TMOD2: variants seen among roughly 807,000 people sequenced by gnomAD.
TMOD2 encodes the protein tropomodulin-2.
TMOD2 carries 22 observed loss-of-function variants against 39.9 expected under a neutral mutation model. That is an observed-to-expected ratio of 0.55 (90% CI 0.39 to 0.79). The LOEUF (loss-of-function observed/expected upper bound fraction) is 0.79, where lower values mean the gene tolerates loss of function less well. Among genes scored for constraint, TMOD2 ranks in the 30% least tolerant of loss-of-function variants. The pLI is 0.00. For missense variants in TMOD2, 386 were observed against 413.3 expected, an observed-to-expected ratio of 0.93 and a Z score of 0.57; for synonymous variants, 123 against 146.1, an observed-to-expected ratio of 0.84 and a Z score of 1.14.
At chr15:51,790,306 G>A (rs2056001752) in intron 7 of TMOD2, among the ~76,000 whole-genome samples, 1 of 152,148 alleles carries the variant, frequency 6.6e-6, no homozygotes, top group African/African-American at 2.4e-5. Context: ...ACTAAACCAG[G>A]AAGAAGTTGA....
Position 51,810,656 on chromosome 15 carries a change from CA to C in TMOD2, c.*2203del, listed in dbSNP as rs1289653448. ...CTTATCATGTTGCCGAAGGGAAGAA[CA>C]TTTCTCTTAGATGTCTTTTCTCCTC... On this transcript the variant is annotated 3_prime_UTR_variant, in exon 10 of 10. Coordinates refer to ENST00000249700, the MANE Select transcript of TMOD2 (RefSeq NM_014548.4). 1 of 151,766 alleles carries C rather than the reference CA, an allele frequency of 6.6e-6. No homozygotes were observed. The highest frequency in any genetic ancestry group is 1.5e-5 in the Non-Finnish European group (1 of 67,962). 9.4% of individuals were successfully genotyped at this position (151,766 alleles called of 1,614,324 possible).
chr15:51,768,931 T>C (rs2055835497), intron 3 of TMOD2, among the ~76,000 whole-genome samples: 1 of 152,228 alleles, frequency 6.6e-6, no homozygotes, highest in Admixed American at 6.5e-5. Flanking sequence ...TAGACATATG[T>C]CATTCTACAT....
At chr15:51,772,040 C>A (rs1037435440) in intron 3 of TMOD2, among the ~76,000 whole-genome samples, 6 of 152,156 alleles carry the variant, frequency 3.9e-5, no homozygotes, top group Admixed American at 3.9e-4. Flanking sequence ...GCTTATCCAG[C>A]CATTTAACAA....
rs151084305 is a variant in TMOD2, at chr15:51,788,467, G to A, written c.732+5639G>A. The stretch of plus-strand genomic sequence containing the variant: ...ATACTCTTCAGGATATTATCCAAGA[G>A]AACTTCTGTAACCTAGCAAGGCAGG... On this transcript the variant is annotated intron_variant, in intron 7 of 9. Coordinates refer to ENST00000249700, the MANE Select transcript of TMOD2 (RefSeq NM_014548.4). Among the ~76,000 whole-genome samples, 367 of 152,308 alleles carry A rather than the reference G, an allele frequency of 2.4e-3. 1 individual carries two copies. Among genetic ancestry groups the A allele is most frequent in the Non-Finnish European group, 4.1e-3 (282 of 68,030 alleles).
intron 8 of TMOD2, among the ~76,000 whole-genome samples, chr15:51,801,235 T>TCACACACACACACACACA (rs745892590): frequency 4.6e-5 from 5 of 108,924 alleles, no homozygotes; most frequent in African/African-American, 1.6e-4. Context: ...TCTCTCTCTC[T>TCACACACACACACACACA]CTCACACACA....
intron 7 of TMOD2, 102 bp from the exon 8 acceptor site, chr15:51,798,095 G>C: frequency 9.9e-7 from 1 of 1,007,736 alleles, no homozygotes; most frequent in Non-Finnish European, 1.4e-6. Flanking sequence ...TTCTTTAAGT[G>C]CTAGAAAACA....
chr15:51,754,360 T>A (rs1027346984), intron 1 of TMOD2, among the ~76,000 whole-genome samples: 9 of 152,346 alleles, frequency 5.9e-5, no homozygotes, highest in African/African-American at 1.7e-4. Flanking sequence ...GGGTTTCCTC[T>A]CATTCCCTTG....
chr15:51,758,867 G>T (rs1343947066), intron 1 of TMOD2, among the ~76,000 whole-genome samples: 1 of 152,104 alleles, frequency 6.6e-6, no homozygotes, highest in African/African-American at 2.4e-5. Context: ...ACAACATAAG[G>T]CATGATCCAG....
chr15:51,805,245 C>G (rs1006152082), intron 8 of TMOD2, among the ~76,000 whole-genome samples: 1 of 152,110 alleles, frequency 6.6e-6, no homozygotes, highest in African/African-American at 2.4e-5. Context: ...CAGGCAGGAG[C>G]CACGGTGCCC....
intron 1 of TMOD2, among the ~76,000 whole-genome samples, chr15:51,759,329 G>C (rs749222373): frequency 6.6e-6 from 1 of 152,170 alleles, no homozygotes; most frequent in Non-Finnish European, 1.5e-5. Context: ...GAATTAGGCA[G>C]ATGGAAATAT....
intron 7 of TMOD2, 51 bp downstream of exon 7, chr15:51,782,879 ACT>A: frequency 2.0e-6 from 3 of 1,528,612 alleles, no homozygotes; most frequent in Non-Finnish European, 1.8e-6. Flanking sequence ...TTCACTGGAA[ACT>A]CTATTTACTT....
In TMOD2 at chr15:51,811,442, A is replaced by G. The variant is rs2056155838; in HGVS notation, c.*2988A>G. 6.6e-6 allele frequency: 1 copy of G among 151,544 alleles called. No individual in the cohort carries two copies. The highest frequency in any genetic ancestry group is 1.5e-5 in the Non-Finnish European group (1 of 67,982). 9.4% of individuals were successfully genotyped at this position (151,544 alleles called of 1,614,324 possible). A position where few individuals can be genotyped will look rare whatever the true frequency, so the allele number is the denominator to read the frequency against. On this transcript the variant is annotated 3_prime_UTR_variant, in exon 10 of 10. Coordinates refer to ENST00000249700, the MANE Select transcript of TMOD2 (RefSeq NM_014548.4). ...GCAGGTCCACTTTAAGTGTAAAATC[A>G]CTCACCTGGACTTGTGGGCTTGTAT... is the stretch of plus-strand genomic sequence containing the variant.
chr15:51,791,574 C>G (rs915775714), intron 7 of TMOD2, among the ~76,000 whole-genome samples: 2 of 152,176 alleles, frequency 1.3e-5, no homozygotes, highest in African/African-American at 4.8e-5. Flanking sequence ...AAGAACAAAG[C>G]TGGAGGCATC....
At chr15:51,768,178 C>G in intron 2 of TMOD2, 84 bp from the exon 3 acceptor site, 1 of 1,487,776 alleles carries the variant, frequency 6.7e-7, no homozygotes, top group Non-Finnish European at 9.3e-7. Context: ...TTCCCCAGCA[C>G]ATAGTGAGTG....
chr15:51,801,235 T>TCAGACACA (rs745892590), intron 8 of TMOD2, among the ~76,000 whole-genome samples: 1 of 108,984 alleles, frequency 9.2e-6, no homozygotes, highest in African/African-American at 3.9e-5. Context: ...TCTCTCTCTC[T>TCAGACACA]CTCACACACA....
chr15:51,778,902 G>A (rs1474636165), intron 5 of TMOD2, among the ~76,000 whole-genome samples: 1 of 151,942 alleles, frequency 6.6e-6, no homozygotes, highest in Non-Finnish European at 1.5e-5. Flanking sequence ...TCTAATCTCA[G>A]TAGCATATAT....
chr15:51,798,135 A>C, intron 7 of TMOD2, 62 bp from the exon 8 acceptor site: 1 of 1,447,216 alleles, frequency 6.9e-7, no homozygotes. Context: ...TGAGGGGTTT[A>C]GTAAATTAAT....
chr15:51,796,423 A>G (rs763838013), intron 7 of TMOD2, among the ~76,000 whole-genome samples: 3 of 152,030 alleles, frequency 2.0e-5, no homozygotes, highest in Non-Finnish European at 2.9e-5. Context: ...CAGTGTGTGT[A>G]TAAGGAGCTC....
At chr15:51,803,169 T>C (rs2056100736) in intron 8 of TMOD2, among the ~76,000 whole-genome samples, 1 of 64,598 alleles carries the variant, frequency 1.5e-5, no homozygotes, top group African/African-American at 7.0e-5. Context: ...CTATATCTTC[T>C]TTTTTTTTTT....
Sources: gnomAD v4.1 joint callset for allele counts (sites outside exome capture counted in the v4.1 genomes callset) on GRCh38, gnomAD v4.1.1 for gene constraint, MANE v1.5 for transcripts, NCBI Gene and HGNC (gene_info 2026-07-23, HGNC 2026-07-21) for gene names.